ZBTB47: variants seen among roughly 807,000 people sequenced by gnomAD.
The protein encoded by ZBTB47 is zinc finger and BTB domain-containing protein 47.
ZBTB47 carries 24 observed loss-of-function variants against 56.6 expected under a neutral mutation model. That is an observed-to-expected ratio of 0.42 (90% confidence interval 0.31 to 0.60). ZBTB47 has a LOEUF of 0.60. Ranked by LOEUF, ZBTB47 falls within the 20% of genes least tolerant of loss-of-function variation. The probability of loss-of-function intolerance (pLI) is 0.14; values close to 1 mark genes in which losing one functional copy is unlikely to be tolerated. For synonymous variants in ZBTB47, 414 were observed against 418.9 expected (o/e 0.99, Z 0.14); for missense variants, 829 against 1,032.6 (o/e 0.80, Z 2.70).
rs371347994 is a variant in ZBTB47, at chr3:42,663,990, T to A, written c.1882+49T>A. ...GCTCGGTGCCGGGCCTGGGACCCCT[T>A]CTCAGCCCCGCTCAGGACACCTGGA... On this transcript the variant is annotated intron_variant, in intron 5 of 5. Transcript: ENST00000232974. The surrounding 1 kb of genome is among the most constrained non-coding windows in gnomAD (Gnocchi z 5.1). 3 of 1,571,390 alleles carry A rather than the reference T, an allele frequency of 1.9e-6. No homozygotes were observed. In the African/African-American group the frequency reaches 4.1e-5, roughly 21 times the overall value.
At position 42,663,691 on chromosome 3, in the gene ZBTB47, CT is replaced by C; in HGVS notation, c.1738-105del. ...TCCCCATCTCCTTGCCCAGGAGCCC[CT>C]GAGTGTGTCCCTCCTTGGCCCTGTG... is the stretch of plus-strand genomic sequence containing the variant. On this transcript the variant is annotated intron_variant, in intron 4 of 5. Coordinates refer to ENST00000232974, the MANE Select transcript of ZBTB47 (RefSeq NM_145166.4). This position sits in a 1 kb window ranked among gnomAD's most constrained non-coding sequence, Gnocchi z 5.1. 9 of 1,443,784 alleles carry C rather than the reference CT, an allele frequency of 6.2e-6. No homozygotes were observed. The highest frequency in any genetic ancestry group is 8.5e-6 in the Non-Finnish European group (9 of 1,063,472). 89.4% of individuals were successfully genotyped at this position (1,443,784 alleles called of 1,614,324 possible).
chr3:42,658,991 T>C lies in ZBTB47; in HGVS notation c.636T>C (p.Gly212=). The part of the protein sequence containing the change: ...GPPASLCKLE[G]GEELEEELGG... ...CAGCCAGCTTGTGCAAGCTGGAGGGTGGAGAAGAGTTGGAGGAAGAGCTTG... is the reference window on the plus strand; with the variant it reads ...CAGCCAGCTTGTGCAAGCTGGAGGGCGGAGAAGAGTTGGAGGAAGAGCTTG... Residue 212 remains glycine, a synonymous_variant, in exon 2 of 6, where the codon GGT becomes GGC. Coordinates refer to ENST00000232974, the MANE Select transcript of ZBTB47 (RefSeq NM_145166.4). 6.6e-7 allele frequency: 1 copy of C among 1,523,656 alleles called. No homozygotes were observed. The highest frequency in any genetic ancestry group is 2.5e-5 in the East Asian group (1 of 40,700). 94.4% of individuals were successfully genotyped at this position (1,523,656 alleles called of 1,614,324 possible). A position where few individuals can be genotyped will look rare whatever the true frequency, so the allele number is the denominator to read the frequency against.
At chr3:42,662,273 G>A (rs1429593359) in intron 3 of ZBTB47, among the ~76,000 whole-genome samples, 2 of 152,360 alleles carry the variant, frequency 1.3e-5, no homozygotes. Context: ...AGCCAAGGCA[G>A]ACAGTGAGCC....
rs187382177 is a variant in ZBTB47, at chr3:42,658,241, C to T, written c.-81-34C>T. The T allele has an allele frequency of 5.5e-6, 8 of 1,446,144 alleles. No homozygotes were observed. In the Admixed American group the frequency reaches 1.6e-4, roughly 29 times the overall value. 89.6% of individuals were successfully genotyped at this position (1,446,144 alleles called of 1,614,324 possible). Reference sequence around the variant, plus strand: ...GGAAGGGCGGGCAGGGGCCCACTGGCCTTGACCCACTCCTGTGCCCTCTGT... The same window carrying T: ...GGAAGGGCGGGCAGGGGCCCACTGGTCTTGACCCACTCCTGTGCCCTCTGT... On this transcript the variant is annotated intron_variant, in intron 1 of 5. Coordinates refer to ENST00000232974, the MANE Select transcript of ZBTB47 (RefSeq NM_145166.4).
rs1430523189 is a variant in ZBTB47, at chr3:42,664,532, G to A, written c.2178G>A (p.Leu726=). The A allele has an allele frequency of 1.8e-6, 2 of 1,087,606 alleles. No homozygotes were observed. The highest frequency in any genetic ancestry group is 3.5e-5 in the South Asian group (2 of 56,496). 67.4% of individuals were successfully genotyped at this position (1,087,606 alleles called of 1,614,324 possible). ...AGACCCTGCCGCCCCCGCCCCACCT[G>A]CCGCCCCCGCCTCCGCTCTTCCCCA... is the stretch of plus-strand genomic sequence containing the variant. ...LPQTLPPPPH[L]PPPPPLFPTT... The change falls in exon 6 of 6, where the codon CTG becomes CTA. Residue 726 remains leucine (L), a synonymous_variant. Coordinates refer to ENST00000232974, the MANE Select transcript of ZBTB47 (RefSeq NM_145166.4).
chr3:42,657,234 T>C (rs548367463), intron 1 of ZBTB47, among the ~76,000 whole-genome samples: 2 of 152,316 alleles, frequency 1.3e-5, no homozygotes, highest in Non-Finnish European at 2.9e-5. Flanking sequence ...ACAGGCCTGA[T>C]AGTCTGACCC....
At chr3:42,657,076 C>G (rs1381959079) in intron 1 of ZBTB47, among the ~76,000 whole-genome samples, 1 of 152,230 alleles carries the variant, frequency 6.6e-6, no homozygotes, top group Non-Finnish European at 1.5e-5. Context: ...TTAACAACAT[C>G]TGCACATCAC....
chr3:42,659,524 C>A lies in ZBTB47; in HGVS notation c.1169C>A (p.Thr390Asn), dbSNP rs769013061. The change falls in exon 2 of 6, where the codon ACC (threonine) becomes AAC (asparagine). Residue 390 changes from threonine to asparagine, a missense_variant. Physicochemically the swap from Thr to Asn is moderately conservative, Grantham distance 65. Transcript: ENST00000232974. ...CGGGAGAACGCCCGGCGCCGGGGTA[C>A]CCCTGAACCTGAAGAAGCTGGGCGG... ...RSRENARRRG[T>N]PEPEEAGRRG... 13 of 1,556,876 alleles carry A rather than the reference C, an allele frequency of 8.4e-6. No homozygotes were observed. Among genetic ancestry groups the A allele is most frequent in the South Asian group, 1.2e-5 (1 of 81,674 alleles).
rs889749652 is a variant in ZBTB47 at position 42,656,579 on chromosome 3, A to G, written c.-81-1696A>G. On this transcript the variant is annotated intron_variant, in intron 1 of 5. Transcript: ENST00000232974. This position sits in a 1 kb window ranked among gnomAD's most constrained non-coding sequence, Gnocchi z 5.8. ...GGTAAGGGGTGTAGTGGAGAACTCA[A>G]GGAAGATGGTAGCCTTGGCCAGGGG... Among the ~76,000 whole-genome samples the G allele has an allele frequency of 3.3e-5, 5 of 152,220 alleles. 1 individual carries two copies. The highest frequency in any genetic ancestry group is 1.2e-4 in the African/African-American group (5 of 41,544).
chr3:42,659,347 A>G lies in ZBTB47; in HGVS notation c.992A>G (p.Glu331Gly). The G allele has an allele frequency of 1.4e-6, 2 of 1,422,614 alleles. No individual in the cohort carries two copies. Among genetic ancestry groups the G allele is most frequent in the Non-Finnish European group, 1.9e-6 (2 of 1,068,442 alleles). The allele number at this position is 1,422,614 out of a possible 1,614,324, so 88.1% of individuals were successfully genotyped here. ...AGTGAGCAGGAAGAGGAAGAGGAGG[A>G]GGAAGAGGAGGAAGGGCCTAGTGAG... ...GHSEQEEEEE[E>G]EEEEGPSEQD... The change falls in exon 2 of 6, where the codon GAG becomes GGG. Residue 331 changes from glutamate (E) to glycine (G), a missense_variant. Physicochemically the swap from Glu to Gly is moderately conservative, Grantham distance 98. Coordinates refer to ENST00000232974, the MANE Select transcript of ZBTB47 (RefSeq NM_145166.4).
intron 2 of ZBTB47, 46 bp downstream of exon 2, chr3:42,659,874 G>A (rs1475506382): frequency 6.5e-7 from 1 of 1,539,478 alleles, no homozygotes; most frequent in Non-Finnish European, 8.8e-7. Flanking sequence ...GTCCAGGTGG[G>A]GCTAGGCCAT....
At chr3:42,658,227 C>T (rs559786774) in intron 1 of ZBTB47, 48 bp from the exon 2 acceptor site, 148 of 1,433,430 alleles carry the variant, frequency 1.0e-4, no homozygotes, top group Non-Finnish European at 1.3e-4. Flanking sequence ...GAAGGGCGGG[C>T]AGGGGCCCAC....
At chr3:42,662,445 G>C (rs1163330995) in intron 3 of ZBTB47, among the ~76,000 whole-genome samples, 2 of 152,222 alleles carry the variant, frequency 1.3e-5, no homozygotes, top group East Asian at 3.9e-4. Flanking sequence ...TCTGTCTCCA[G>C]TGGCCACCTA....
At chr3:42,661,346 AGCTG>A in intron 2 of ZBTB47, 135 bp from the exon 3 acceptor site, 1 of 901,450 alleles carries the variant, frequency 1.1e-6, no homozygotes, top group South Asian at 1.7e-5. Context: ...GAAACATCAG[AGCTG>A]GCTGGCTGTT....
Position 42,665,054 on chromosome 3 carries a change from T to G in ZBTB47, c.*456T>G. ...TCCCCATGTCCTCTATGCCCCTAAT[T>G]TGCTTCCTCATCTTGGAGGGTTTGG... On this transcript the variant is annotated 3_prime_UTR_variant, in exon 6 of 6. Transcript: ENST00000232974. 6.5e-6 allele frequency: 1 copy of G among 153,860 alleles called. No individual in the cohort carries two copies. The highest frequency in any genetic ancestry group is 1.4e-5 in the Non-Finnish European group (1 of 69,366). The allele number at this position is 153,860 out of a possible 1,614,324, so 9.5% of individuals were successfully genotyped here.
In ZBTB47 at chr3:42,663,969, G is replaced by C; in HGVS notation, c.1882+28G>C. ...GCGGCTGCCCCTGGGGACGGAGCTC[G>C]GTGCCGGGCCTGGGACCCCTTCTCA... On this transcript the variant is annotated intron_variant, in intron 5 of 5. Coordinates refer to ENST00000232974, the MANE Select transcript of ZBTB47 (RefSeq NM_145166.4). This position sits in a 1 kb window ranked among gnomAD's most constrained non-coding sequence, Gnocchi z 5.1. 2 of 1,594,688 alleles carry C rather than the reference G, an allele frequency of 1.3e-6. No individual in the cohort carries two copies. The highest frequency in any genetic ancestry group is 2.3e-5 in the East Asian group (1 of 43,978).
rs1435449950 is a variant in ZBTB47, at chr3:42,654,951, G to A, written c.-82+1068G>A. Among the ~76,000 whole-genome samples, 1 of 152,098 alleles carries A rather than the reference G, an allele frequency of 6.6e-6. No individual in the cohort carries two copies. The highest frequency in any genetic ancestry group is 1.5e-5 in the Non-Finnish European group (1 of 67,972). On this transcript the variant is annotated intron_variant, in intron 1 of 5. Transcript: ENST00000232974. This position sits in a 1 kb window ranked among gnomAD's most constrained non-coding sequence, Gnocchi z 5.0. The stretch of plus-strand genomic sequence containing the variant: ...AGGTCTTGCTAGGCACCGGCGAAGG[G>A]GGGCGCTCCCCTGCGCCCGGACGGC...
chr3:42,664,582 T>A lies in ZBTB47; in HGVS notation c.2228T>A (p.Met743Lys). Residue 743 changes from methionine to lysine, a missense_variant, in exon 6 of 6, where the codon ATG becomes AAG. Coordinates refer to ENST00000232974, the MANE Select transcript of ZBTB47 (RefSeq NM_145166.4). ...ACCACTGCCAGCCCCGGCGGGAGGA[T>A]GAACGCCAACAACTAGCTGCCGAGC... is the stretch of plus-strand genomic sequence containing the variant. ...FPTTASPGGR[M>K]NANN 1 of 1,390,502 alleles carries A rather than the reference T, an allele frequency of 7.2e-7. No individual in the cohort carries two copies. The highest frequency in any genetic ancestry group is 1.6e-5 in the South Asian group (1 of 64,014). 86.1% of individuals were successfully genotyped at this position (1,390,502 alleles called of 1,614,324 possible). A position where few individuals can be genotyped will look rare whatever the true frequency, so the allele number is the denominator to read the frequency against.
At chr3:42,653,441 G>A (rs1374052780), upstream of ZBTB47, among the ~76,000 whole-genome samples, 2 of 152,194 alleles carry the variant, frequency 1.3e-5, no homozygotes, top group African/African-American at 4.8e-5. Flanking sequence ...GACCCAGGAT[G>A]GGCAGTAGTG....
Sources: gnomAD v4.1 joint callset for allele counts (sites outside exome capture counted in the v4.1 genomes callset) on GRCh38, gnomAD v4.1.1 for gene constraint, Gnocchi (gnomAD v3.1) non-coding constraint, MANE v1.5 for transcripts, NCBI Gene and HGNC (gene_info 2026-07-23, HGNC 2026-07-21) for gene names.